Variants in CSMD3 observed in about 807,000 individuals in gnomAD.
CSMD3 encodes CUB and sushi domain-containing protein 3.
CSMD3 carries 177 observed loss-of-function variants against 435.2 expected under a neutral mutation model. That is an observed-to-expected ratio of 0.41 (90% CI 0.36 to 0.46). CSMD3 has a LOEUF of 0.46. CSMD3 is among the 20% of genes least tolerant of loss of function. CSMD3 has a pLI of 0.34. For missense variants in CSMD3, 4,265 were observed against 4,504.6 expected (o/e 0.95, Z 1.52); for synonymous variants, 1,656 against 1,520.5 (o/e 1.09, Z -2.07).
chr8:112,997,583 A>G (rs2085700871), intron 6 of CSMD3, among the ~76,000 whole-genome samples: 2 of 151,594 alleles, frequency 1.3e-5, no homozygotes, highest in Non-Finnish European at 3.0e-5. Context: ...TGAGAATTTG[A>G]TGGTCAAGGA....
At chr8:112,244,341 G>T (rs2130104654) in intron 65 of CSMD3, 53 bp downstream of exon 65, 1 of 1,461,054 alleles carries the variant, frequency 6.8e-7, no homozygotes, top group Non-Finnish European at 9.6e-7. Context: ...TGGAGCAAAG[G>T]AAAGCAATAG....
At chr8:113,186,746 C>A (rs1480458) in intron 3 of CSMD3, among the ~76,000 whole-genome samples, 3,327 of 152,124 alleles carry the variant, frequency 0.022, 136 homozygotes, top group African/African-American at 0.076. Context: ...ATTTTACACC[C>A]TGTGGTCACA....
chr8:112,481,622 A>C (rs1032858853), intron 31 of CSMD3, among the ~76,000 whole-genome samples: 2 of 152,200 alleles, frequency 1.3e-5, no homozygotes, highest in Admixed American at 6.6e-5. Context: ...CTAGTAAATT[A>C]CTTATGCATT....
At chr8:112,295,657 C>T (rs1158001146) in intron 54 of CSMD3, among the ~76,000 whole-genome samples, 176 bp downstream of exon 54, 2 of 151,656 alleles carry the variant, frequency 1.3e-5, no homozygotes, top group African/African-American at 4.8e-5. Context: ...AACTGAAATT[C>T]TCTTGAACAT....
At chr8:112,391,691 CAA>C (rs34187208) in intron 35 of CSMD3, among the ~76,000 whole-genome samples, 7 of 141,500 alleles carry the variant, frequency 4.9e-5, no homozygotes, top group African/African-American at 7.9e-5. Context: ...GACTCCATCT[CAA>C]AAAAAAAAAA....
intron 12 of CSMD3, among the ~76,000 whole-genome samples, chr8:112,802,981 T>C (rs2132342212): frequency 6.6e-6 from 1 of 152,270 alleles, no homozygotes; most frequent in African/African-American, 2.4e-5. Flanking sequence ...TTCTTTCTCC[T>C]AAACAGCTAA....
intron 13 of CSMD3, among the ~76,000 whole-genome samples, chr8:112,704,594 G>A (rs1473889532): frequency 6.6e-6 from 1 of 151,852 alleles, no homozygotes; most frequent in African/African-American, 2.4e-5. Context: ...AATTTTTTCT[G>A]GTTGTGAGTT....
chr8:112,247,155 A>G, intron 63 of CSMD3, 24 bp from the exon 64 acceptor site: 1 of 1,442,590 alleles, frequency 6.9e-7, no homozygotes, highest in Non-Finnish European at 9.8e-7. Context: ...AAGAGAGGAA[A>G]AAAATATTCC....
intron 16 of CSMD3, among the ~76,000 whole-genome samples, chr8:112,681,039 C>CTTTTT (rs397686222): frequency 7.2e-6 from 1 of 139,504 alleles, no homozygotes; most frequent in Non-Finnish European, 1.6e-5. Context: ...TTTCCTTTTT[C>CTTTTT]TTTTTTTTTT....
At chr8:112,706,953 A>G (rs535680545) in intron 13 of CSMD3, among the ~76,000 whole-genome samples, 81 of 152,200 alleles carry the variant, frequency 5.3e-4, no homozygotes, top group Middle Eastern at 3.4e-3. Flanking sequence ...TAACCTGTCT[A>G]TTTTTTAAAC....
chr8:113,360,305 TG>T (rs2094263965), intron 1 of CSMD3, among the ~76,000 whole-genome samples: 1 of 152,082 alleles, frequency 6.6e-6, no homozygotes, highest in South Asian at 2.1e-4. Flanking sequence ...ACTTTGAGCT[TG>T]TTCCCTAGCC....
chr8:113,120,154 T>C (rs959500472), intron 4 of CSMD3, among the ~76,000 whole-genome samples: 3 of 152,056 alleles, frequency 2.0e-5, no homozygotes, highest in Non-Finnish European at 4.4e-5. Flanking sequence ...AATGAATTCA[T>C]CTACAATCTG....
chr8:113,213,456 C>T (rs2092863590), intron 3 of CSMD3, among the ~76,000 whole-genome samples: 1 of 151,884 alleles, frequency 6.6e-6, no homozygotes, highest in Non-Finnish European at 1.5e-5. Context: ...ACCTTTGCCA[C>T]AGAGGACAAC....
intron 3 of CSMD3, among the ~76,000 whole-genome samples, chr8:113,208,564 T>A (rs1030270656): frequency 2.6e-5 from 4 of 152,164 alleles, no homozygotes; most frequent in Non-Finnish European, 5.9e-5. Context: ...TATAATATCA[T>A]ATATAAAAGA....
At chr8:112,944,401 C>T (rs923809342) in intron 9 of CSMD3, among the ~76,000 whole-genome samples, 1 of 151,676 alleles carries the variant, frequency 6.6e-6, no homozygotes, top group Non-Finnish European at 1.5e-5. Context: ...TCTACCCTCT[C>T]TTTCCAATGC....
intron 1 of CSMD3, among the ~76,000 whole-genome samples, chr8:113,359,555 G>C (rs929728188): frequency 1.3e-5 from 2 of 152,146 alleles, no homozygotes; most frequent in African/African-American, 4.8e-5. Context: ...TGCAAGATTG[G>C]CAATCTAGAA....
At position 113,278,628 on chromosome 8, in the gene CSMD3, C is replaced by CA; in HGVS notation, c.477dup (p.Ala160CysfsTer3). The CA allele has an allele frequency of 6.3e-7, 1 of 1,598,046 alleles. No individual in the cohort carries two copies. The stretch of plus-strand genomic sequence containing the variant: ...ACCTTAAATCCATGAGCACTAACTG[C>CA]AAAATCACTGGTCAAACGTAGTGAG... On this transcript the variant is annotated frameshift_variant, in exon 3 of 71. Transcript: ENST00000297405. LOFTEE classifies it high-confidence loss of function.
At chr8:112,930,213 C>T (rs890632767) in intron 9 of CSMD3, among the ~76,000 whole-genome samples, 1 of 152,204 alleles carries the variant, frequency 6.6e-6, no homozygotes, top group Non-Finnish European at 1.5e-5. Flanking sequence ...ATTCTTGTGA[C>T]ATTAACTTTA....
chr8:113,431,700 C>G (rs72673242), intron 1 of CSMD3, among the ~76,000 whole-genome samples: 1,876 of 151,438 alleles, frequency 0.012, 18 homozygotes, highest in Non-Finnish European at 0.019. Context: ...CTTAGAAAAG[C>G]GTTTTAAGGT....
Sources: gnomAD v4.1 joint callset for allele counts (sites outside exome capture counted in the v4.1 genomes callset) on GRCh38, gnomAD v4.1.1 for gene constraint, MANE v1.5 for transcripts, NCBI Gene and HGNC (gene_info 2026-07-23, HGNC 2026-07-21) for gene names.